The following BTBD8 variants were observed in gnomAD, a reference collection of about 807,000 sequenced individuals.
The protein encoded by BTBD8 is BTB domain containing 8, also known as BTB/POZ domain-containing protein 8.
A neutral mutation model predicts 162.9 loss-of-function variants in BTBD8; 110 were observed. The observed-to-expected ratio is 0.68, with a 90% CI of 0.58 to 0.79. BTBD8 has a LOEUF of 0.79. BTBD8 is among the 30% of genes least tolerant of loss of function. BTBD8 has a pLI of 0.00. For synonymous variants in BTBD8, 667 were observed against 716.1 expected, an observed-to-expected ratio of 0.93 and a Z score of 1.10; for missense variants, 1,905 against 2,085.4, an observed-to-expected ratio of 0.91 and a Z score of 1.68.
chr1:92,133,228 G>A (rs1160918307), intron 5 of BTBD8, among the ~76,000 whole-genome samples: 1 of 152,168 alleles, frequency 6.6e-6, no homozygotes, highest in Non-Finnish European at 1.5e-5. Context: ...ACAGGCAGTA[G>A]TATATCCAGT....
intron 4 of BTBD8, among the ~76,000 whole-genome samples, chr1:92,110,711 T>TTTTTGTATTTTGTATTTTGTA: frequency 6.6e-6 from 1 of 151,994 alleles, no homozygotes; most frequent in South Asian, 2.1e-4. Flanking sequence ...CCTGGCTAAT[T>TTTTTGTATTTTGTATTTTGTA]TTTTGTATTT....
At chr1:92,105,947 C>T (rs1419524969) in intron 3 of BTBD8, among the ~76,000 whole-genome samples, 1 of 152,326 alleles carries the variant, frequency 6.6e-6, no homozygotes, top group Admixed American at 6.5e-5. Context: ...TGGCTGAGAT[C>T]TAGCTATCTA....
chr1:92,101,063 A>C (rs1262332417), intron 2 of BTBD8, among the ~76,000 whole-genome samples: 1 of 152,214 alleles, frequency 6.6e-6, no homozygotes, highest in South Asian at 2.1e-4. Flanking sequence ...GTAGTCTTTT[A>C]TCCCTCATCC....
intron 5 of BTBD8, among the ~76,000 whole-genome samples, chr1:92,133,315 G>A (rs907175136): frequency 2.0e-5 from 3 of 152,140 alleles, no homozygotes; most frequent in African/African-American, 7.2e-5. Context: ...TATTAAATGA[G>A]ATACAGTAAG....
intron 2 of BTBD8, among the ~76,000 whole-genome samples, chr1:92,098,215 G>T (rs1005167219): frequency 6.6e-6 from 1 of 152,094 alleles, no homozygotes; most frequent in African/African-American, 2.4e-5. Context: ...CCAGATATCA[G>T]CCAAGGGCCA....
At chr1:92,179,610 T>C (rs1650827534) in intron 16 of BTBD8, among the ~76,000 whole-genome samples, 2 of 152,320 alleles carry the variant, frequency 1.3e-5, no homozygotes, top group Admixed American at 1.3e-4. Context: ...GTTTGGCAGA[T>C]TTGAATGTCC....
chr1:92,105,712 C>A (rs962660828), intron 3 of BTBD8, among the ~76,000 whole-genome samples: 2 of 152,208 alleles, frequency 1.3e-5, no homozygotes, highest in African/African-American at 2.4e-5. Context: ...ATAAAATGAA[C>A]CTGAGTTTAT....
At chr1:92,137,433 A>C (rs1649660385) in intron 5 of BTBD8, among the ~76,000 whole-genome samples, 1 of 152,164 alleles carries the variant, frequency 6.6e-6, no homozygotes, top group African/African-American at 2.4e-5. Context: ...TAGAGAGCAG[A>C]GGCTGAACTC....
At chr1:92,130,505 C>A (rs1649486248) in intron 5 of BTBD8, among the ~76,000 whole-genome samples, 1 of 96,092 alleles carries the variant, frequency 1.0e-5, no homozygotes, top group African/African-American at 4.8e-5. Flanking sequence ...AGAGCCAAAC[C>A]CTGTCTCAAA....
At position 92,181,061 on chromosome 1, in the gene BTBD8, C is replaced by A. The variant is rs1223137703; in HGVS notation, c.3378C>A (p.Asn1126Lys). Residue 1126 changes from asparagine (N) to lysine (K), a missense_variant, in exon 17 of 18, where the codon AAC becomes AAA. By Grantham distance (94) the Asn-to-Lys change is moderately conservative. Transcript: ENST00000636805. ...GQIHLISDRENQVGRKDTNKQ... is the reference protein window; with the variant it reads ...GQIHLISDREKQVGRKDTNKQ... ...TCCATTTGATATCAGATAGGGAGAA[C>A]CAAGTAGGGAGAAAAGATACAAACA... 2 of 1,551,364 alleles carry A rather than the reference C, an allele frequency of 1.3e-6. No homozygotes were observed. The highest frequency in any genetic ancestry group is 1.7e-6 in the Non-Finnish European group (2 of 1,146,898).
intron 11 of BTBD8, among the ~76,000 whole-genome samples, chr1:92,168,479 A>G (rs928256913): frequency 1.3e-5 from 2 of 152,176 alleles, no homozygotes; most frequent in African/African-American, 2.4e-5. Flanking sequence ...AGTGGCCATT[A>G]ATTAGGTAAT....
chr1:92,121,869 C>T (rs1649221870), intron 4 of BTBD8, among the ~76,000 whole-genome samples: 3 of 150,866 alleles, frequency 2.0e-5, no homozygotes. Flanking sequence ...CAGAGTCTTG[C>T]TATGTTACCC....
At chr1:92,081,578 CTT>C (rs200353236) in intron 1 of BTBD8, among the ~76,000 whole-genome samples, 2 of 147,024 alleles carry the variant, frequency 1.4e-5, no homozygotes, top group Non-Finnish European at 3.0e-5. Context: ...CAGCATTCTA[CTT>C]TTTTTTTTTT....
intron 14 of BTBD8, 117 bp downstream of exon 14, chr1:92,177,663 A>C (rs998476441): frequency 1.5e-5 from 12 of 819,692 alleles, no homozygotes; most frequent in Non-Finnish European, 2.1e-5. Flanking sequence ...CAGAATACTT[A>C]TGTATATGTA....
At position 92,171,415 on chromosome 1, in the gene BTBD8, T is replaced by G. The variant is rs1650541515; in HGVS notation, c.1590T>G (p.Gly530=). The stretch of plus-strand genomic sequence containing the variant: ...TTTCTACAGCTGCATTTGACAAAGG[T>G]GATGATCGAAGACTTGGCAAAAAGC... ...QKIQAAAFDK[G]DDRRLGKKPI... Residue 530 remains glycine (G), a synonymous_variant, in exon 13 of 18, where the codon GGT becomes GGG. Transcript: ENST00000636805. 6.5e-7 allele frequency: 1 copy of G among 1,538,680 alleles called. No individual in the cohort carries two copies. Among genetic ancestry groups the G allele is most frequent in the South Asian group, 1.2e-5 (1 of 81,310 alleles).
chr1:92,097,135 C>T (rs1460578416), intron 2 of BTBD8, among the ~76,000 whole-genome samples: 1 of 151,998 alleles, frequency 6.6e-6, no homozygotes, highest in Non-Finnish European at 1.5e-5. Context: ...TATTCCTTTT[C>T]ACCTAGTCTG....
chr1:92,117,717 G>A (rs558278556), intron 4 of BTBD8, among the ~76,000 whole-genome samples: 1 of 152,100 alleles, frequency 6.6e-6, no homozygotes, highest in South Asian at 2.1e-4. Flanking sequence ...AATTTCAGCT[G>A]ACTCAGCTTC....
chr1:92,165,904 G>A (rs1392814112), intron 9 of BTBD8, among the ~76,000 whole-genome samples: 1 of 152,102 alleles, frequency 6.6e-6, no homozygotes, highest in Non-Finnish European at 1.5e-5. Flanking sequence ...TCCACCTCTT[G>A]GTGGATGGAA....
At chr1:92,109,916 T>C (rs999064177) in intron 4 of BTBD8, among the ~76,000 whole-genome samples, 1 of 152,240 alleles carries the variant, frequency 6.6e-6, no homozygotes, top group African/African-American at 2.4e-5. Context: ...AAAAGATCAA[T>C]ACAAGTACTT....
Sources: gnomAD v4.1 joint callset for allele counts (sites outside exome capture counted in the v4.1 genomes callset) on GRCh38, gnomAD v4.1.1 for gene constraint, MANE v1.5 for transcripts, NCBI Gene and HGNC (gene_info 2026-07-23, HGNC 2026-07-21) for gene names.